The following FBXW9 variants were observed in gnomAD, a reference collection of about 807,000 sequenced individuals.
The protein encoded by FBXW9 is F-box/WD repeat-containing protein 9.
FBXW9 carries 38 observed loss-of-function variants against 55.8 expected under a neutral mutation model. That is an observed-to-expected ratio of 0.68 (90% CI 0.53 to 0.89). FBXW9 has a LOEUF of 0.89. Among genes scored for constraint, FBXW9 ranks in the 40% least tolerant of loss-of-function variants. FBXW9 has a pLI of 0.00. For missense variants in FBXW9, 590 were observed against 619.4 expected (o/e 0.95, Z 0.50); for synonymous variants, 289 against 278.2 (o/e 1.04, Z -0.38).
chr19:12,694,549 G>A, intron 3 of FBXW9, 45 bp downstream of exon 3: 1 of 1,593,980 alleles, frequency 6.3e-7, no homozygotes, highest in Non-Finnish European at 8.6e-7. Flanking sequence ...TAACCAAGAT[G>A]CCCTACTCAG....
rs1470680197 is a variant in FBXW9 at position 12,696,585 on chromosome 19, G to A, written c.-4C>T. ...ACCGCCCTAGGGGAAGCTCCATTGCGACCGGGTGGGCGCTGCCGGCCTCGC... is the reference window on the plus strand; with the variant it reads ...ACCGCCCTAGGGGAAGCTCCATTGCAACCGGGTGGGCGCTGCCGGCCTCGC... On this transcript the variant is annotated 5_prime_UTR_variant, in exon 1 of 10. Coordinates refer to ENST00000393261, the MANE Select transcript of FBXW9 (RefSeq NM_032301.3). The A allele has an allele frequency of 1.9e-6, 3 of 1,606,436 alleles. No homozygotes were observed. Among genetic ancestry groups the A allele is most frequent in the Non-Finnish European group, 2.5e-6 (3 of 1,179,376 alleles).
rs1568326343 is a variant in FBXW9 at position 12,693,584 on chromosome 19, ACACACACACACACACACACACAC to A, written c.678+987_678+1009del. ...TATACACACACACACACACACACAC[ACACACACACACACACACACACAC>A]AAAAGAAATTAGCTGGGCATGGTGG... On this transcript the variant is annotated intron_variant, in intron 3 of 9. Transcript: ENST00000393261. Among the ~76,000 whole-genome samples, 98 of 114,516 alleles carry A rather than the reference ACACACACACACACACACACACAC, an allele frequency of 8.6e-4. 14 individuals carry two copies. Among genetic ancestry groups the A allele is most frequent in the African/African-American group, 4.1e-3 (78 of 19,014 alleles). The allele number at this position is 114,516 out of a possible 152,430, so 75.1% of individuals were successfully genotyped here. A position where few individuals can be genotyped will look rare whatever the true frequency, so the allele number is the denominator to read the frequency against.
chr19:12,693,880 G>A (rs910151497), intron 3 of FBXW9, among the ~76,000 whole-genome samples: 1 of 150,584 alleles, frequency 6.6e-6, no homozygotes, highest in African/African-American at 2.4e-5. Context: ...GACAGAGGGA[G>A]ACTCTGTCTC....
At chr19:12,694,272 C>T (rs1175021677) in intron 3 of FBXW9, among the ~76,000 whole-genome samples, 3 of 140,640 alleles carry the variant, frequency 2.1e-5, no homozygotes, top group Non-Finnish European at 4.5e-5. Flanking sequence ...ACCCGGGAAG[C>T]AGAGGTTGCA....
At position 12,689,460 on chromosome 19, in the gene FBXW9, G is replaced by C. The variant is rs779122517; in HGVS notation, c.1237-23C>G. On this transcript the variant is annotated intron_variant, in intron 8 of 9. Transcript: ENST00000393261. The surrounding 1 kb of genome is among the most constrained non-coding windows in gnomAD (Gnocchi z 5.9). ...CACCTAGTGAGGGGCAATGGGCGAG[G>C]TCAAGAGGTGTGCCCCTGGCTGATG... 1 of 1,614,162 alleles carries C rather than the reference G, an allele frequency of 6.2e-7. No homozygotes were observed. The highest frequency in any genetic ancestry group is 8.5e-7 in the Non-Finnish European group (1 of 1,180,004).
chr19:12,696,180 C>T lies in FBXW9; in HGVS notation c.402G>A (p.Val134=). 3 of 1,538,728 alleles carry T rather than the reference C, an allele frequency of 1.9e-6. No individual in the cohort carries two copies. Among genetic ancestry groups the T allele is most frequent in the Non-Finnish European group, 2.6e-6 (3 of 1,145,814 alleles). Residue 134 remains valine (V), a synonymous_variant, in exon 1 of 10, where the codon GTG becomes GTA. Coordinates refer to ENST00000393261, the MANE Select transcript of FBXW9 (RefSeq NM_032301.3). ...ALRRVRAPYP[V]VEEKNFDWPA... ...GCCCCCGGCCCCGCGCACCTTCCAC[C>T]ACTGGGTAGGGCGCGCGTACGCGGC... is the stretch of plus-strand genomic sequence containing the variant.
At position 12,691,547 on chromosome 19, in the gene FBXW9, G is replaced by A. The variant is rs1256455143; in HGVS notation, c.679-93C>T. The A allele has an allele frequency of 1.1e-5, 12 of 1,049,020 alleles. No homozygotes were observed. The Middle Eastern group carries it at 1.2e-3, about 102-fold the overall frequency. The allele number at this position is 1,049,020 out of a possible 1,614,324, so 65.0% of individuals were successfully genotyped here. A position where few individuals can be genotyped will look rare whatever the true frequency, so the allele number is the denominator to read the frequency against. ...GTTTTTGCAGGTAAGGCTCAGAGAGGTCAAGAGACTCACCCAAAGCCACAT... is the reference window on the plus strand; with the variant it reads ...GTTTTTGCAGGTAAGGCTCAGAGAGATCAAGAGACTCACCCAAAGCCACAT... On this transcript the variant is annotated intron_variant, in intron 3 of 9. Coordinates refer to ENST00000393261, the MANE Select transcript of FBXW9 (RefSeq NM_032301.3).
At position 12,696,631 on chromosome 19, in the gene FBXW9, C is replaced by G; in HGVS notation, c.-50G>C. On this transcript the variant is annotated 5_prime_UTR_variant, in exon 1 of 10. Transcript: ENST00000393261. ...CTCGCGTCTTGTCTCCTAGGCAGCA[C>G]GAGGGCACTTCCGGCGCTGTCTGAT... The G allele has an allele frequency of 6.3e-7, 1 of 1,580,244 alleles. No individual in the cohort carries two copies. Among genetic ancestry groups the G allele is most frequent in the Non-Finnish European group, 8.5e-7 (1 of 1,172,334 alleles).
rs1480428775 is a variant in FBXW9, at chr19:12,689,099, C to T, written c.*117G>A. The stretch of plus-strand genomic sequence containing the variant: ...GACGCTCACCCGAATGTGGCTGGGA[C>T]TCCTTGTGCCCTAGGCCCACGGGGC... On this transcript the variant is annotated 3_prime_UTR_variant, in exon 10 of 10. Transcript: ENST00000393261. This position sits in a 1 kb window ranked among gnomAD's most constrained non-coding sequence, Gnocchi z 5.9. 1.2e-6 allele frequency: 1 copy of T among 865,192 alleles called. No homozygotes were observed. The highest frequency in any genetic ancestry group is 1.9e-6 in the Non-Finnish European group (1 of 517,190). The allele number at this position is 865,192 out of a possible 1,614,324, so 53.6% of individuals were successfully genotyped here.
intron 1 of FBXW9, 135 bp from the exon 2 acceptor site, chr19:12,695,073 C>T: frequency 9.5e-7 from 1 of 1,049,334 alleles, no homozygotes; most frequent in Non-Finnish European, 1.3e-6. Flanking sequence ...GATCCCTACT[C>T]CCACCCCAAG....
chr19:12,690,253 C>G (rs1405527819), intron 5 of FBXW9, 143 bp from the exon 6 acceptor site: 1 of 1,396,196 alleles, frequency 7.2e-7, no homozygotes, highest in Non-Finnish European at 9.8e-7. Flanking sequence ...TGACCCATCT[C>G]TCCTCTCCCG....
intron 3 of FBXW9, among the ~76,000 whole-genome samples, chr19:12,693,066 G>A (rs1284932795): frequency 3.3e-5 from 5 of 152,094 alleles, no homozygotes; most frequent in African/African-American, 1.2e-4. Context: ...GCAATATTGT[G>A]TATCTCATTT....
chr19:12,696,527 C>G lies in FBXW9; in HGVS notation c.55G>C (p.Asp19His). The G allele has an allele frequency of 6.2e-7, 1 of 1,612,684 alleles. No individual in the cohort carries two copies. Among genetic ancestry groups the G allele is most frequent in the Non-Finnish European group, 8.5e-7 (1 of 1,180,000 alleles). The change falls in exon 1 of 10, where the codon GAC (aspartate) becomes CAC (histidine). Residue 19 changes from aspartate to histidine, a missense_variant. By Grantham distance (81) the Asp-to-His change is moderately conservative. Coordinates refer to ENST00000393261, the MANE Select transcript of FBXW9 (RefSeq NM_032301.3). ...TCTGGGTCTGTCTCTGACTCTGGGT[C>G]CGAGTCATCGTCCCAGGTGCGGGAA... is the stretch of plus-strand genomic sequence containing the variant. ...DDSRTWDDDS[D>H]PESETDPDAQ...
chr19:12,696,614 T>C lies in FBXW9; in HGVS notation c.-33A>G, dbSNP rs777503707. 1 of 1,598,952 alleles carries C rather than the reference T, an allele frequency of 6.3e-7. No homozygotes were observed. Among genetic ancestry groups the C allele is most frequent in the Non-Finnish European group, 8.5e-7 (1 of 1,178,658 alleles). On this transcript the variant is annotated 5_prime_UTR_variant, in exon 1 of 10. Coordinates refer to ENST00000393261, the MANE Select transcript of FBXW9 (RefSeq NM_032301.3). ...GGGTGGGCGCTGCCGGCCTCGCGTC[T>C]TGTCTCCTAGGCAGCACGAGGGCAC...
At position 12,689,110 on chromosome 19, in the gene FBXW9, CT is replaced by C; in HGVS notation, c.*105del. 1.1e-6 allele frequency: 1 copy of C among 941,638 alleles called. No individual in the cohort carries two copies. Among genetic ancestry groups the C allele is most frequent in the African/African-American group, 1.6e-5 (1 of 62,090 alleles). 58.3% of individuals were successfully genotyped at this position (941,638 alleles called of 1,614,324 possible). ...GAATGTGGCTGGGACTCCTTGTGCC[CT>C]AGGCCCACGGGGCGGAGGCAGCACC... is the stretch of plus-strand genomic sequence containing the variant. On this transcript the variant is annotated 3_prime_UTR_variant, in exon 10 of 10. Coordinates refer to ENST00000393261, the MANE Select transcript of FBXW9 (RefSeq NM_032301.3). This position sits in a 1 kb window ranked among gnomAD's most constrained non-coding sequence, Gnocchi z 5.9.
chr19:12,690,123 T>C lies in FBXW9; in HGVS notation c.884-13A>G, dbSNP rs776139415. The C allele has an allele frequency of 6.2e-7, 1 of 1,613,248 alleles. No individual in the cohort carries two copies. The highest frequency in any genetic ancestry group is 2.2e-5 in the East Asian group (1 of 44,862). ...AGGGCTGGGCCGGCTTCATGGGTGA[T>C]GGGCCGGTGAGGAGGGATATCAGAG... On this transcript the variant is annotated splice_polypyrimidine_tract_variant and intron_variant, in intron 5 of 9. Transcript: ENST00000393261.
In FBXW9 at chr19:12,694,613, T is replaced by G; in HGVS notation, c.659A>C (p.Lys220Thr). Residue 220 changes from lysine to threonine, a missense_variant, in exon 3 of 10, where the codon AAG (lysine) becomes ACG (threonine). By Grantham distance (78) the Lys-to-Thr change is moderately conservative (BLOSUM62 -1). Transcript: ENST00000393261. Reference protein sequence around the residue: ...NQVLIKTLGTKRNSTHEGWVW... With the variant: ...NQVLIKTLGTTRNSTHEGWVW... ...CCTCACCTCATGGGTACTATTTCGC[T>G]TAGTGCCTAAGGTCTTGATCAGAAC... is the stretch of plus-strand genomic sequence containing the variant. The G allele has an allele frequency of 6.2e-7, 1 of 1,614,182 alleles. No homozygotes were observed. Among genetic ancestry groups the G allele is most frequent in the South Asian group, 1.1e-5 (1 of 91,086 alleles).
In FBXW9 at chr19:12,696,181, A is replaced by G. The variant is rs2025067585; in HGVS notation, c.401T>C (p.Val134Ala). ...CCCCCGGCCCCGCGCACCTTCCACC[A>G]CTGGGTAGGGCGCGCGTACGCGGCG... ...ALRRVRAPYP[V>A]VEEKNFDWPA... is the part of the protein sequence containing the mutation. The change falls in exon 1 of 10, where the codon GTG becomes GCG. Residue 134 changes from valine (V) to alanine (A), a missense_variant. Val to Ala is a moderately conservative substitution (Grantham distance 64). Transcript: ENST00000393261. 6.5e-7 allele frequency: 1 copy of G among 1,526,728 alleles called. No homozygotes were observed. Among genetic ancestry groups the G allele is most frequent in the African/African-American group, 1.4e-5 (1 of 71,980 alleles). The allele number at this position is 1,526,728 out of a possible 1,614,324, so 94.6% of individuals were successfully genotyped here.
In FBXW9 at chr19:12,689,367, C is replaced by G; in HGVS notation, c.1302+5G>C. 1 of 1,614,176 alleles carries G rather than the reference C, an allele frequency of 6.2e-7. No individual in the cohort carries two copies. The highest frequency in any genetic ancestry group is 8.5e-7 in the Non-Finnish European group (1 of 1,180,016). On this transcript the variant is annotated splice_donor_5th_base_variant and intron_variant, in intron 9 of 9. Transcript: ENST00000393261. This position sits in a 1 kb window ranked among gnomAD's most constrained non-coding sequence, Gnocchi z 5.9. ...CTGGGCAGGGCACATGGGGCAGGAC[C>G]TTACCCTATTGAGCCCATTGTCATG...
Sources: gnomAD v4.1 joint callset for allele counts (sites outside exome capture counted in the v4.1 genomes callset) on GRCh38, gnomAD v4.1.1 for gene constraint, Gnocchi (gnomAD v3.1) non-coding constraint, MANE v1.5 for transcripts, NCBI Gene and HGNC (gene_info 2026-07-23, HGNC 2026-07-21) for gene names.